Variants in HYDIN observed in about 807,000 individuals in gnomAD.
HYDIN encodes HYDIN axonemal central pair apparatus protein.
Under a neutral mutation model 403.9 loss-of-function variants are expected in HYDIN, and 132 were observed. The observed-to-expected ratio is 0.33, with a 90% CI of 0.28 to 0.38. The LOEUF (loss-of-function observed/expected upper bound fraction) is 0.38, where lower values mean the gene tolerates loss of function less well. Ranked by LOEUF, HYDIN falls within the 10% of genes least tolerant of loss-of-function variation. The pLI, the probability that HYDIN is intolerant of heterozygous loss-of-function variation, is 1.00. For synonymous variants in HYDIN, 1,202 were observed against 1,891.7 expected (o/e 0.64, Z 9.46); for missense variants, 2,827 against 5,009.5 (o/e 0.56, Z 13.15).
intron 84 of HYDIN, among the ~76,000 whole-genome samples, chr16:70,811,718 G>A (rs1356557553): frequency 2.0e-5 from 3 of 151,974 alleles, no homozygotes; most frequent in South Asian, 4.2e-4. Flanking sequence ...TTAGCTGGGC[G>A]TGGTGGCACA....
At chr16:70,934,335 T>C (rs1244006355) in intron 45 of HYDIN, among the ~76,000 whole-genome samples, 1 of 152,050 alleles carries the variant, frequency 6.6e-6, no homozygotes, top group Non-Finnish European at 1.5e-5. Flanking sequence ...AGAAAACTTT[T>C]TTTTTTTTCA....
intron 21 of HYDIN, among the ~76,000 whole-genome samples, chr16:71,023,894 T>C (rs551449838): frequency 1.3e-5 from 2 of 152,050 alleles, no homozygotes; most frequent in African/African-American, 4.8e-5. Context: ...CTCCAGGTAA[T>C]GAAAGGAACC....
intron 5 of HYDIN, among the ~76,000 whole-genome samples, chr16:71,168,745 C>T (rs1185322256): frequency 6.6e-6 from 1 of 152,194 alleles, no homozygotes; most frequent in African/African-American, 2.4e-5. Flanking sequence ...AGGTCACCTC[C>T]TGCTGTTGTC....
chr16:71,227,732 T>C (rs1410635671), intron 1 of HYDIN, among the ~76,000 whole-genome samples: 1 of 152,220 alleles, frequency 6.6e-6, no homozygotes, highest in Non-Finnish European at 1.5e-5. Context: ...ATGGCCATAC[T>C]GCCCAAGGTA....
At chr16:71,218,666 T>A (rs2089021449) in intron 1 of HYDIN, among the ~76,000 whole-genome samples, 1 of 152,216 alleles carries the variant, frequency 6.6e-6, no homozygotes, top group Non-Finnish European at 1.5e-5. Context: ...CCTGCAATAT[T>A]TCATGATTTG....
At chr16:71,161,903 T>C (rs560582581) in intron 6 of HYDIN, among the ~76,000 whole-genome samples, 40 of 150,772 alleles carry the variant, frequency 2.7e-4, no homozygotes, top group African/African-American at 6.4e-4. Context: ...ACTTGATATA[T>C]ACCAGCAGTT....
chr16:71,225,336 A>C (rs1215985070), intron 1 of HYDIN, among the ~76,000 whole-genome samples: 1 of 152,158 alleles, frequency 6.6e-6, no homozygotes. Context: ...TGAAAAAGAA[A>C]CTAGCCCTGG....
In HYDIN at chr16:70,985,285, G is replaced by C. The variant is rs763237651; in HGVS notation, c.4232C>G (p.Thr1411Arg). 17 of 1,523,342 alleles carry C rather than the reference G, an allele frequency of 1.1e-5. No homozygotes were observed. Among genetic ancestry groups the C allele is most frequent in the Non-Finnish European group, 1.5e-5 (17 of 1,104,340 alleles). The allele number at this position is 1,523,342 out of a possible 1,614,324, so 94.4% of individuals were successfully genotyped here. A position where few individuals can be genotyped will look rare whatever the true frequency, so the allele number is the denominator to read the frequency against. Residue 1411 changes from threonine to arginine, a missense_variant, in exon 28 of 86, where the codon ACG (threonine) becomes AGG (arginine). Physicochemically the swap from Thr to Arg is moderately conservative, Grantham distance 71. Transcript: ENST00000393567. ...CTCAAAGCCAACTTTCCCCATGTTC[G>C]TCAGCGTGATTTCCCTCTCTGTGAC... The part of the protein sequence containing the change: ...DHVTEREITL[T>R]NMGKVGFEFK...
intron 18 of HYDIN, among the ~76,000 whole-genome samples, chr16:71,038,409 G>GC (rs1274854857): frequency 1.3e-5 from 2 of 152,014 alleles, no homozygotes; most frequent in Non-Finnish European, 2.9e-5. Flanking sequence ...ACATGTCACC[G>GC]CAACAATCAC....
At chr16:71,194,154 T>C (rs1183106929) in intron 1 of HYDIN, among the ~76,000 whole-genome samples, 1 of 152,214 alleles carries the variant, frequency 6.6e-6, no homozygotes, top group Non-Finnish European at 1.5e-5. Context: ...GGCTCGCGCC[T>C]GTAATCCCAG....
chr16:70,892,636 T>C, intron 55 of HYDIN, 107 bp from the exon 56 acceptor site: 3 of 1,116,462 alleles, frequency 2.7e-6, no homozygotes, highest in Non-Finnish European at 3.7e-6. Flanking sequence ...CCAGCCCTGT[T>C]TAGCCACTAC....
intron 43 of HYDIN, among the ~76,000 whole-genome samples, chr16:70,939,276 GA>G (rs1390038216): frequency 6.6e-6 from 1 of 152,236 alleles, no homozygotes; most frequent in Non-Finnish European, 1.5e-5. Flanking sequence ...GCCCTGCTGA[GA>G]AAAGTCCGGA....
intron 58 of HYDIN, among the ~76,000 whole-genome samples, chr16:70,887,363 G>A (rs796601253): frequency 3.3e-5 from 5 of 151,714 alleles, no homozygotes; most frequent in African/African-American, 1.2e-4. Context: ...ATATGACTAT[G>A]GAGGAGGTTG....
chr16:71,060,126 C>T lies in HYDIN; in HGVS notation c.2529+378G>A, dbSNP rs548139475. On this transcript the variant is annotated intron_variant, in intron 18 of 85. Transcript: ENST00000393567. ...CATCTAAAAAGTGTTTTTTTGAGGGCTGGGGCTGGGCTTAGGTACAGTTCA... is the reference window on the plus strand; with the variant it reads ...CATCTAAAAAGTGTTTTTTTGAGGGTTGGGGCTGGGCTTAGGTACAGTTCA... 6.6e-5 allele frequency among the ~76,000 whole-genome samples: 10 copies of T among 151,420 alleles called. 1 individual carries two copies. Among genetic ancestry groups the T allele is most frequent in the Admixed American group, 6.6e-4 (10 of 15,230 alleles).
intron 1 of HYDIN, among the ~76,000 whole-genome samples, chr16:71,204,713 C>T (rs935813697): frequency 2.0e-5 from 3 of 152,106 alleles, no homozygotes; most frequent in South Asian, 4.1e-4. Context: ...TTAGTTATCA[C>T]GTTGGTAAAT....
At position 70,805,595 on chromosome 16, in the gene HYDIN, T is replaced by C. The variant is rs140527169; in HGVS notation, c.*1985A>G. Reference sequence around the variant, plus strand: ...CCCTCCAGGGGATGCTGATGTATACTAATATTTCAGAAGCACTGACTTTAT... The same window carrying C: ...CCCTCCAGGGGATGCTGATGTATACCAATATTTCAGAAGCACTGACTTTAT... On this transcript the variant is annotated 3_prime_UTR_variant, in exon 86 of 86. Coordinates refer to ENST00000393567, the MANE Select transcript of HYDIN (RefSeq NM_001270974.2). Among the ~76,000 whole-genome samples the C allele has an allele frequency of 7.5e-4, 115 of 152,344 alleles. No homozygotes were observed. Among genetic ancestry groups the C allele is most frequent in the Admixed American group, 2.0e-3 (30 of 15,306 alleles).
In HYDIN at chr16:71,034,186, G is replaced by T. The variant is rs568557637; in HGVS notation, c.2530-2269C>A. 3.3e-5 allele frequency among the ~76,000 whole-genome samples: 5 copies of T among 152,238 alleles called. No individual in the cohort carries two copies. The East Asian group carries it at 9.7e-4, about 29-fold the overall frequency. On this transcript the variant is annotated intron_variant, in intron 18 of 85. Coordinates refer to ENST00000393567, the MANE Select transcript of HYDIN (RefSeq NM_001270974.2). ...AATGCAAATTTTACTATTTGAGCGG[G>T]GCTGTAGAGGACATTCCAGTCTAAG... is the stretch of plus-strand genomic sequence containing the variant.
chr16:70,891,200 T>A (rs1488019425), intron 57 of HYDIN, among the ~76,000 whole-genome samples: 10 of 152,196 alleles, frequency 6.6e-5, no homozygotes, highest in Admixed American at 2.6e-4. Flanking sequence ...TTATTTTTTA[T>A]TTTTTTGAGA....
At chr16:71,205,872 T>C (rs1306239649) in intron 1 of HYDIN, among the ~76,000 whole-genome samples, 2 of 152,208 alleles carry the variant, frequency 1.3e-5, no homozygotes, top group Non-Finnish European at 2.9e-5. Context: ...GCCTTGCTTC[T>C]GTGTGAACTC....
Sources: gnomAD v4.1 joint callset for allele counts (sites outside exome capture counted in the v4.1 genomes callset) on GRCh38, gnomAD v4.1.1 for gene constraint, MANE v1.5 for transcripts, NCBI Gene and HGNC (gene_info 2026-07-23, HGNC 2026-07-21) for gene names.